PRKG1: variants seen among roughly 807,000 people sequenced by gnomAD.
PRKG1 encodes cGMP-dependent protein kinase 1.
In PRKG1, 35 loss-of-function variants were observed where a neutral mutation model predicts 88.1. That is an observed-to-expected ratio of 0.40 (90% CI 0.30 to 0.53). The LOEUF is 0.53. Ranked by LOEUF, PRKG1 falls within the 20% of genes least tolerant of loss-of-function variation. The probability of loss-of-function intolerance (pLI) is 0.59; values close to 1 mark genes in which losing one functional copy is unlikely to be tolerated. For synonymous variants in PRKG1, 303 were observed against 292.5 expected (o/e 1.04, Z -0.37); for missense variants, 540 against 839.8 (o/e 0.64, Z 4.41).
At chr10:52,252,432 A>G (rs570222139) in intron 10 of PRKG1, 2 of 152,268 alleles carry the variant, frequency 1.3e-5, no homozygotes, top group African/African-American at 4.8e-5. Context: ...CGGTGTGGCT[A>G]TAAACCCTAA....
chr10:51,779,484 C>T (rs1240112031), intron 3 of PRKG1, among the ~76,000 whole-genome samples: 1 of 152,152 alleles, frequency 6.6e-6, no homozygotes, highest in Admixed American at 6.6e-5. Context: ...CCAAGTATAT[C>T]TGACTCTAAA....
chr10:51,302,937 A>G (rs1840931212), intron 2 of PRKG1: 1 of 152,214 alleles, frequency 6.6e-6, no homozygotes, highest in South Asian at 2.1e-4. Context: ...AAGGTCACAC[A>G]GCCTGTGCGG....
intron 8 of PRKG1, among the ~76,000 whole-genome samples, chr10:52,150,089 A>G (rs1164935105): frequency 1.3e-5 from 2 of 151,434 alleles, no homozygotes; most frequent in Admixed American, 1.3e-4. Context: ...TGGAGGTTGC[A>G]GTGAGCCAAG....
chr10:51,547,058 C>T (rs1842459333), intron 3 of PRKG1, among the ~76,000 whole-genome samples: 1 of 151,906 alleles, frequency 6.6e-6, no homozygotes, highest in Non-Finnish European at 1.5e-5. Context: ...TGGCCTCTAC[C>T]AGTGGGGCAG....
At chr10:51,488,224 G>T (rs1466865670) in intron 3 of PRKG1, among the ~76,000 whole-genome samples, 1 of 152,112 alleles carries the variant, frequency 6.6e-6, no homozygotes, top group African/African-American at 2.4e-5. Flanking sequence ...TCTTATAGTT[G>T]TCATCCTTCT....
At chr10:52,268,056 T>C (rs1031512275) in intron 10 of PRKG1, among the ~76,000 whole-genome samples, 1 of 152,082 alleles carries the variant, frequency 6.6e-6, no homozygotes, top group Non-Finnish European at 1.5e-5. Flanking sequence ...TACCCTGACT[T>C]TCTGGTTAAG....
chr10:51,284,249 A>G (rs1029307768), intron 2 of PRKG1, among the ~76,000 whole-genome samples: 1 of 152,224 alleles, frequency 6.6e-6, no homozygotes, highest in Non-Finnish European at 1.5e-5. Context: ...AAAAAGACAT[A>G]TTTGTGGCTC....
chr10:51,087,832 T>G (rs1844293510), intron 1 of PRKG1, among the ~76,000 whole-genome samples: 1 of 152,198 alleles, frequency 6.6e-6, no homozygotes, highest in Non-Finnish European at 1.5e-5. Context: ...TGGTGCGATC[T>G]TGGTTCACTG....
intron 7 of PRKG1, among the ~76,000 whole-genome samples, chr10:52,073,015 G>A (rs1846538918): frequency 6.6e-6 from 1 of 152,154 alleles, no homozygotes; most frequent in Non-Finnish European, 1.5e-5. Context: ...GTGTCACCAG[G>A]CCACACTCCC....
intron 2 of PRKG1, among the ~76,000 whole-genome samples, chr10:51,428,616 T>C (rs1838664446): frequency 1.3e-5 from 2 of 152,210 alleles, no homozygotes; most frequent in Non-Finnish European, 2.9e-5. Context: ...ACTATGAGTC[T>C]ATAGCATTTT....
chr10:51,377,527 A>G lies in PRKG1; in HGVS notation c.479-90196A>G, dbSNP rs181083176. ...CTCTGCTAGCACTGCTGAAAAGACA[A>G]CATAGTAGAATACAAGCCATGAAGC... On this transcript the variant is annotated intron_variant, in intron 2 of 17. Coordinates refer to ENST00000373980, the MANE Select transcript of PRKG1 (RefSeq NM_006258.4). 5.3e-5 allele frequency among the ~76,000 whole-genome samples: 8 copies of G among 152,254 alleles called. No homozygotes were observed. The East Asian group carries it at 1.4e-3, about 26-fold the overall frequency.
chr10:52,104,537 G>C (rs1847370537), intron 7 of PRKG1, among the ~76,000 whole-genome samples: 2 of 151,978 alleles, frequency 1.3e-5, no homozygotes, highest in African/African-American at 4.8e-5. Context: ...GATAGAAAAA[G>C]GAAGTCATGA....
Position 51,277,422 on chromosome 10 carries a change from T to A in PRKG1, c.478+124092T>A, listed in dbSNP as rs10996529. On this transcript the variant is annotated intron_variant, in intron 2 of 17. Transcript: ENST00000373980. The stretch of plus-strand genomic sequence containing the variant: ...ATCCCTCCGGCTTTGTTCTTTTGGC[T>A]TAGGATTGTCTTGGCAATGTGGGCT... Among the ~76,000 whole-genome samples, 11 of 152,228 alleles carry A rather than the reference T, an allele frequency of 7.2e-5. No homozygotes were observed. In the South Asian group the frequency reaches 2.1e-3, roughly 29 times the overall value.
intron 4 of PRKG1, among the ~76,000 whole-genome samples, chr10:51,886,306 C>A (rs1276224084): frequency 6.6e-6 from 1 of 152,076 alleles, no homozygotes; most frequent in Non-Finnish European, 1.5e-5. Flanking sequence ...TCTAGAATTT[C>A]TATTACAAGC....
intron 2 of PRKG1, among the ~76,000 whole-genome samples, chr10:51,244,697 A>C (rs1331663409): frequency 1.3e-5 from 2 of 152,124 alleles, no homozygotes; most frequent in African/African-American, 2.4e-5. Context: ...TTTGTAATGA[A>C]AACCTTCTTA....
intron 5 of PRKG1, among the ~76,000 whole-genome samples, chr10:51,999,006 A>T (rs1383741803): frequency 6.6e-6 from 1 of 150,412 alleles, no homozygotes; most frequent in Non-Finnish European, 1.5e-5. Flanking sequence ...CTAACTTTCT[A>T]ACATTTTTTA....
At chr10:51,179,897 C>T (rs1837300462) in intron 2 of PRKG1, among the ~76,000 whole-genome samples, 1 of 152,154 alleles carries the variant, frequency 6.6e-6, no homozygotes, top group Non-Finnish European at 1.5e-5. Context: ...ATAGTCCCTA[C>T]TTTGTATTAA....
chr10:51,383,261 A>C (rs1016171499), intron 2 of PRKG1, among the ~76,000 whole-genome samples: 1 of 152,076 alleles, frequency 6.6e-6, no homozygotes, highest in Admixed American at 6.6e-5. Context: ...TGTGGAAGCC[A>C]AGAGGTTCAT....
chr10:52,199,312 G>A (rs1053125591), intron 9 of PRKG1, among the ~76,000 whole-genome samples: 2 of 151,894 alleles, frequency 1.3e-5, no homozygotes, highest in Non-Finnish European at 2.9e-5. Flanking sequence ...TTGTTCTCTT[G>A]GAGAGAAAAA....
Sources: allele counts gnomAD v4.1 joint callset (sites outside exome capture counted in the v4.1 genomes callset), GRCh38; gene constraint gnomAD v4.1.1; transcripts MANE v1.5; gene names NCBI Gene and HGNC (gene_info 2026-07-23, HGNC 2026-07-21).